Variants in TM7SF3 observed in about 807,000 individuals in gnomAD.
The protein encoded by TM7SF3 is transmembrane 7 superfamily member 3, also known as seven span transmembrane protein.
TM7SF3 carries 60 observed loss-of-function variants against 65.5 expected under a neutral mutation model. The ratio of observed to expected loss-of-function variants is 0.92; its 90% CI spans 0.74 to 1.14. The LOEUF is 1.14. TM7SF3 is among the 50% of genes most tolerant of loss of function. The pLI is 0.00. For synonymous variants in TM7SF3, 264 were observed against 259.6 expected (o/e 1.02, Z -0.16); for missense variants, 623 against 684.8 (o/e 0.91, Z 1.01).
chr12:27,008,052 C>T (rs549562976), intron 1 of TM7SF3, among the ~76,000 whole-genome samples: 150 of 152,220 alleles, frequency 9.9e-4, no homozygotes, highest in African/African-American at 3.5e-3. Context: ...CACGCATATA[C>T]ACATTTTTGT....
intron 6 of TM7SF3, among the ~76,000 whole-genome samples, chr12:26,986,452 C>T (rs1940104265): frequency 6.6e-6 from 1 of 152,084 alleles, no homozygotes. Context: ...TTCCCAGTAG[C>T]CCATGTTGTA....
intron 7 of TM7SF3, among the ~76,000 whole-genome samples, chr12:26,982,518 ACAGATCTAG>A (rs1330948742): frequency 6.6e-6 from 1 of 152,176 alleles, no homozygotes; most frequent in Admixed American, 6.5e-5. Context: ...TAGTCAACTA[ACAGATCTAG>A]CAGCTGATAA....
intron 3 of TM7SF3, 72 bp from the exon 4 acceptor site, chr12:26,996,934 C>A: frequency 6.8e-7 from 1 of 1,472,542 alleles, no homozygotes; most frequent in Non-Finnish European, 9.1e-7. Context: ...AAAAACAGAA[C>A]TCTATCTACT....
rs745450390 is a variant in TM7SF3 at position 27,003,398 on chromosome 12, G to A, written c.92-8C>T. ...CAGAAAATTCAATAAGACCTACAAC[G>A]AGATAAACTTTTCATTACAACACTT... is the stretch of plus-strand genomic sequence containing the variant. On this transcript the variant is annotated splice_polypyrimidine_tract_variant and splice_region_variant and intron_variant, in intron 1 of 11. Transcript: ENST00000343028. 3.1e-6 allele frequency: 5 copies of A among 1,602,654 alleles called. No homozygotes were observed. Among genetic ancestry groups the A allele is most frequent in the Non-Finnish European group, 4.3e-6 (5 of 1,176,274 alleles).
chr12:26,990,265 CTATAA>C (rs1940290521), intron 6 of TM7SF3, among the ~76,000 whole-genome samples, 180 bp downstream of exon 6: 1 of 152,192 alleles, frequency 6.6e-6, no homozygotes, highest in South Asian at 2.1e-4. Context: ...ATCTCCCTCA[CTATAA>C]TATAAGCTCC....
At chr12:26,982,916 T>C (rs1939878847) in intron 6 of TM7SF3, 57 bp from the exon 7 acceptor site, 1 of 1,262,708 alleles carries the variant, frequency 7.9e-7, no homozygotes. Flanking sequence ...TTTGTATTAA[T>C]ATTTATAGAA....
intron 1 of TM7SF3, among the ~76,000 whole-genome samples, chr12:27,005,956 C>T (rs1172558247): frequency 3.3e-5 from 5 of 150,266 alleles, no homozygotes; most frequent in Non-Finnish European, 5.9e-5. Context: ...TGTGCCACCA[C>T]GCCTGGCTAA....
intron 9 of TM7SF3, chr12:26,978,145 A>C: frequency 7.4e-6 from 3 of 406,184 alleles, no homozygotes; most frequent in Non-Finnish European, 1.5e-5. Context: ...GGAGATGATC[A>C]CTCTAACGGT....
At chr12:27,012,238 T>A (rs1487245643) in intron 1 of TM7SF3, among the ~76,000 whole-genome samples, 1 of 152,190 alleles carries the variant, frequency 6.6e-6, no homozygotes, top group Non-Finnish European at 1.5e-5. Context: ...GTTCATTTGT[T>A]CCTCTGACAA....
chr12:26,995,939 C>A (rs766603637), intron 4 of TM7SF3, among the ~76,000 whole-genome samples: 1 of 152,060 alleles, frequency 6.6e-6, no homozygotes, highest in Non-Finnish European at 1.5e-5. Context: ...CACCAACAGG[C>A]AAAGGTGATT....
chr12:27,003,547 A>C, intron 1 of TM7SF3, 157 bp from the exon 2 acceptor site: 1 of 693,810 alleles, frequency 1.4e-6, no homozygotes, highest in Non-Finnish European at 2.3e-6. Flanking sequence ...AATGTGGCTT[A>C]AAAAGTGATG....
intron 6 of TM7SF3, among the ~76,000 whole-genome samples, chr12:26,988,249 A>G (rs1344069498): frequency 1.3e-5 from 2 of 152,036 alleles, no homozygotes; most frequent in Admixed American, 6.5e-5. Context: ...TGCAGCCTCA[A>G]CCTTCCTGGG....
At position 27,012,867 on chromosome 12, in the gene TM7SF3, G is replaced by A. The variant is rs1012630920; in HGVS notation, c.91+1211C>T. 6.4e-5 allele frequency: 24 copies of A among 372,406 alleles called. 1 individual carries two copies. The highest frequency in any genetic ancestry group is 4.2e-4 in the South Asian group (21 of 50,156). The allele number at this position is 372,406 out of a possible 1,614,324, so 23.1% of individuals were successfully genotyped here. A position where few individuals can be genotyped will look rare whatever the true frequency, so the allele number is the denominator to read the frequency against. On this transcript the variant is annotated intron_variant, in intron 1 of 11. Transcript: ENST00000343028. ...ACAAAAACTAGCTGGGTGTGGTGGC[G>A]GGCGCCTGTAATCCCAGCTACTCTG...
At chr12:26,980,376 T>C (rs1186940527) in intron 8 of TM7SF3, 190 bp downstream of exon 8, 3 of 578,106 alleles carry the variant, frequency 5.2e-6, no homozygotes, top group East Asian at 3.0e-5. Flanking sequence ...GAATTCACCA[T>C]ACAGATTAAA....
intron 5 of TM7SF3, among the ~76,000 whole-genome samples, chr12:26,991,169 G>A (rs1194754827): frequency 3.0e-4 from 39 of 128,844 alleles, no homozygotes; most frequent in Admixed American, 2.4e-3. Flanking sequence ...TTTTTGAGAC[G>A]GAGTCTCGCT....
Position 27,014,124 on chromosome 12 carries a change from T to G in TM7SF3, c.45A>C (p.Glu15Asp). Residue 15 changes from glutamate to aspartate, a missense_variant, in exon 1 of 12, where the codon GAA becomes GAC. Glu to Asp is a conservative substitution (Grantham distance 45). Coordinates refer to ENST00000343028, the MANE Select transcript of TM7SF3 (RefSeq NM_016551.3). ...QLLVVAVLAS[E>D]HRVAGAAEVF... ...CCTCGGCTGCACCAGCCACCCGGTG[T>G]TCGGATGCCAGCACCGCTACGACCA... is the stretch of plus-strand genomic sequence containing the variant. 6.4e-7 allele frequency: 1 copy of G among 1,571,916 alleles called. No individual in the cohort carries two copies. The highest frequency in any genetic ancestry group is 1.9e-5 in the Admixed American group (1 of 53,390).
intron 5 of TM7SF3, 96 bp downstream of exon 5, chr12:26,995,141 A>G (rs1397972926): frequency 1.6e-6 from 2 of 1,271,956 alleles, no homozygotes; most frequent in Admixed American, 2.3e-5. Context: ...AAAAGGAGAA[A>G]AGAGTAAAGA....
At chr12:26,992,265 ATTTTT>A (rs1167974971) in intron 5 of TM7SF3, among the ~76,000 whole-genome samples, 1 of 151,902 alleles carries the variant, frequency 6.6e-6, no homozygotes, top group Non-Finnish European at 1.5e-5. Context: ...AGGCTATTTT[ATTTTT>A]TTATTATTAT....
intron 1 of TM7SF3, among the ~76,000 whole-genome samples, chr12:27,010,971 G>C (rs1397001665): frequency 1.3e-5 from 2 of 151,924 alleles, no homozygotes; most frequent in African/African-American, 2.4e-5. Flanking sequence ...TACTTCTACT[G>C]TTTGTGTTTC....
Sources: allele counts gnomAD v4.1 joint callset (sites outside exome capture counted in the v4.1 genomes callset), GRCh38; gene constraint gnomAD v4.1.1; transcripts MANE v1.5; gene names NCBI Gene and HGNC (gene_info 2026-07-23, HGNC 2026-07-21).